TMPRSS9: variants seen among roughly 807,000 people sequenced by gnomAD.
The protein encoded by TMPRSS9 is transmembrane serine protease 9.
Under a neutral mutation model 111.4 loss-of-function variants are expected in TMPRSS9, and 113 were observed. That is an observed-to-expected ratio of 1.01 (90% CI 0.87 to 1.19). TMPRSS9 has a LOEUF of 1.19. Among genes scored for constraint, TMPRSS9 ranks in the 50% most tolerant of loss-of-function variants. The pLI is 0.00. For missense variants in TMPRSS9, 1,803 were observed against 1,513.1 expected (o/e 1.19, Z -3.18); for synonymous variants, 805 against 659.1 (o/e 1.22, Z -3.39).
chr19:2,373,793 C>A (rs1181983916), intron 1 of TMPRSS9, among the ~76,000 whole-genome samples: 1 of 152,254 alleles, frequency 6.6e-6, no homozygotes, highest in Non-Finnish European at 1.5e-5. Flanking sequence ...AGCCACAGTG[C>A]CCGGCCAACT....
chr19:2,422,665 C>A (rs993103709), intron 14 of TMPRSS9, among the ~76,000 whole-genome samples: 1 of 151,948 alleles, frequency 6.6e-6, no homozygotes, highest in Non-Finnish European at 1.5e-5. Context: ...GCGGGTGGAT[C>A]GCCAGAGGTC....
chr19:2,363,793 T>TGTGTGTGCGCGCGC lies in TMPRSS9; in HGVS notation c.-26+3440_-26+3441insCGCGCGCGTGTGTG, dbSNP rs1568464292. Among the ~76,000 whole-genome samples, 99 of 132,164 alleles carry TGTGTGTGCGCGCGC rather than the reference T, an allele frequency of 7.5e-4. 1 individual carries two copies. Among genetic ancestry groups the TGTGTGTGCGCGCGC allele is most frequent in the African/African-American group, 2.7e-3 (93 of 34,612 alleles). 86.7% of individuals were successfully genotyped at this position (132,164 alleles called of 152,430 possible). ...ATTCCAAGAACTCTGTGTGTGAGTGTGTGTGTGTGTGCGTGCGCGCGTGTG... is the reference window on the plus strand; with the variant it reads ...ATTCCAAGAACTCTGTGTGTGAGTGTGTGTGTGCGCGCGCGTGTGTGTGTGCGTGCGCGCGTGTG... On this transcript the variant is annotated intron_variant, in intron 1 of 17. Coordinates refer to the TMPRSS9 transcript ENST00000649857.
intron 1 of TMPRSS9, among the ~76,000 whole-genome samples, chr19:2,365,618 A>C (rs1350383573): frequency 7.6e-6 from 1 of 132,158 alleles, no homozygotes; most frequent in Admixed American, 7.5e-5. Context: ...ACAAACAAAC[A>C]AACAAAAAAA....
chr19:2,399,290 A>T, intron 4 of TMPRSS9, 97 bp downstream of exon 5: 1 of 1,444,668 alleles, frequency 6.9e-7, no homozygotes, highest in Admixed American at 2.6e-5. Context: ...TCCCATAAAA[A>T]GAAAACAAAC....
At chr19:2,398,487 G>A (rs534666868) in intron 2 of TMPRSS9, among the ~76,000 whole-genome samples, 3 of 151,530 alleles carry the variant, frequency 2.0e-5, no homozygotes, top group Admixed American at 1.3e-4. Context: ...GCATGGTGGC[G>A]GGCACCTGTA....
At chr19:2,389,126 T>C (rs1175654993), upstream of TMPRSS9, among the ~76,000 whole-genome samples, 1 of 147,760 alleles carries the variant, frequency 6.8e-6, no homozygotes, top group Non-Finnish European at 1.5e-5. Flanking sequence ...CAGGCTGGAG[T>C]GCAGTGGCGT....
At chr19:2,396,396 C>G (rs1055948589) in intron 1 of TMPRSS9, 143 bp from the exon 3 acceptor site, 6 of 960,396 alleles carry the variant, frequency 6.2e-6, no homozygotes, top group Non-Finnish European at 8.7e-6. Flanking sequence ...AGGGCTATCA[C>G]GGGGGCGTCG....
intron 6 of TMPRSS9, 145 bp from the exon 8 acceptor site, chr19:2,405,229 A>G: frequency 1.0e-6 from 1 of 975,854 alleles, no homozygotes. Flanking sequence ...AGACCCCAGA[A>G]GAGTCAGGGA....
chr19:2,360,991 C>T (rs934805045), intron 1 of TMPRSS9, among the ~76,000 whole-genome samples: 2 of 149,688 alleles, frequency 1.3e-5, no homozygotes, highest in East Asian at 2.0e-4. Context: ...GGCCTGGGAC[C>T]GCCGAAGCCC....
intron 1 of TMPRSS9, among the ~76,000 whole-genome samples, chr19:2,376,436 A>C (rs1322083969): frequency 6.6e-6 from 1 of 151,714 alleles, no homozygotes. Flanking sequence ...TTCTGTGGCC[A>C]CAGGACCGAC....
At chr19:2,425,037 G>A in exon 16 of TMPRSS9, 1 of 1,552,374 alleles carries the variant, frequency 6.4e-7, no homozygotes, top group South Asian at 1.2e-5. Flanking sequence ...GCCTTCCTAG[G>A]CACGCCGTTC....
chr19:2,421,594 T>G (rs898129413), intron 13 of TMPRSS9, among the ~76,000 whole-genome samples: 2 of 152,080 alleles, frequency 1.3e-5, no homozygotes, highest in Non-Finnish European at 2.9e-5. Context: ...GCCTTATTGT[T>G]ATTATTTTTA....
At chr19:2,423,518 C>T (rs868308727) in intron 14 of TMPRSS9, among the ~76,000 whole-genome samples, 3 of 41,176 alleles carry the variant, frequency 7.3e-5, no homozygotes, top group East Asian at 3.7e-4. Context: ...TAGAGGGCGG[C>T]GGGGGGGCTT....
intron 1 of TMPRSS9, among the ~76,000 whole-genome samples, chr19:2,373,937 A>G (rs1009050434): frequency 1.1e-4 from 16 of 152,308 alleles, no homozygotes; most frequent in Admixed American, 2.0e-4. Context: ...TGAAGCAACA[A>G]ATGCTTTTGT....
At chr19:2,417,505 G>A (rs145961663) in intron 12 of TMPRSS9, among the ~76,000 whole-genome samples, 2,495 of 150,910 alleles carry the variant, frequency 0.017, 51 homozygotes, top group African/African-American at 0.056. Flanking sequence ...AAAATTAGCC[G>A]AGTATGGTGG....
chr19:2,409,137 C>T (rs1350120313), intron 8 of TMPRSS9, among the ~76,000 whole-genome samples: 6 of 145,844 alleles, frequency 4.1e-5, no homozygotes, highest in Non-Finnish European at 5.9e-5. Context: ...GATGCTACTG[C>T]GATTTTTTTT....
chr19:2,368,709 A>G (rs1350262099), intron 1 of TMPRSS9, among the ~76,000 whole-genome samples: 1 of 150,098 alleles, frequency 6.7e-6, no homozygotes, highest in Non-Finnish European at 1.5e-5. Context: ...TACCCTGCAG[A>G]CGGTCTGACA....
chr19:2,391,668 T>C (rs1970600500), intron 1 of TMPRSS9, among the ~76,000 whole-genome samples: 1 of 151,814 alleles, frequency 6.6e-6, no homozygotes, highest in South Asian at 2.1e-4. Context: ...TCATCTGCAT[T>C]GTAACAAATA....
chr19:2,416,524 CCCTG>C lies in TMPRSS9; in HGVS notation c.1746-13_1746-10del, dbSNP rs1568187749. The C allele has an allele frequency of 1.4e-5, 22 of 1,597,006 alleles. No homozygotes were observed. The South Asian group carries it at 2.3e-4, about 17-fold the overall frequency. On this transcript the variant is annotated splice_polypyrimidine_tract_variant and intron_variant, in intron 11 of 17. Coordinates refer to ENST00000648592, the Ensembl canonical transcript of TMPRSS9. ...GCTGGAGGGCAGGCATGTCTGAGGG[CCCTG>C]TCTCCATAGCACGAAGGTGGAGCAG...
Sources: gnomAD v4.1 joint callset for allele counts (sites outside exome capture counted in the v4.1 genomes callset) on GRCh38, gnomAD v4.1.1 for gene constraint, MANE v1.5 for transcripts, NCBI Gene and HGNC (gene_info 2026-07-23, HGNC 2026-07-21) for gene names.